Variants in SEC31B observed in about 807,000 individuals in gnomAD.
SEC31B encodes protein transport protein Sec31B.
A neutral mutation model predicts 135.0 loss-of-function variants in SEC31B; 113 were observed. That is an observed-to-expected ratio of 0.84 (90% CI 0.72 to 0.98). SEC31B has a LOEUF of 0.98. SEC31B is among the 50% of genes least tolerant of loss of function. SEC31B has a pLI of 0.00. For synonymous variants in SEC31B, 508 were observed against 549.4 expected, an observed-to-expected ratio of 0.92 and a Z score of 1.05; for missense variants, 1,296 against 1,421.1, an observed-to-expected ratio of 0.91 and a Z score of 1.42.
At position 100,496,386 on chromosome 10, in the gene SEC31B, G is replaced by A; in HGVS notation, c.2182C>T (p.Leu728=). The A allele has an allele frequency of 6.2e-7, 1 of 1,614,180 alleles. No individual in the cohort carries two copies. Among genetic ancestry groups the A allele is most frequent in the African/African-American group, 1.3e-5 (1 of 75,042 alleles). The change falls in exon 18 of 26, where the codon CTG becomes TTG. Residue 728 remains leucine, a synonymous_variant. Coordinates refer to ENST00000370345, the MANE Select transcript of SEC31B (RefSeq NM_015490.4). ...GGGCTCACCCCATGAGGACCCCGCAGTTGCTCCAAGCTCCTGTTAAGAACC... is the reference window on the plus strand; with the variant it reads ...GGGCTCACCCCATGAGGACCCCGCAATTGCTCCAAGCTCCTGTTAAGAACC... ...VMVLNRSLEQ[L]RGPHGVSPGP... is the part of the protein sequence containing the mutation.
chr10:100,498,191 T>C lies in SEC31B; in HGVS notation c.1701A>G (p.Leu567=), dbSNP rs939423609. 37 of 1,614,014 alleles carry C rather than the reference T, an allele frequency of 2.3e-5. No homozygotes were observed. Among genetic ancestry groups the C allele is most frequent in the Non-Finnish European group, 3.0e-5 (35 of 1,180,032 alleles). The change falls in exon 15 of 26, where the codon CTA becomes CTG. Residue 567 remains leucine, a synonymous_variant. Transcript: ENST00000370345. ...GTTCCCCAAGCAGGAGAGCCTGGCT[T>C]AGGAGTCCATCAATATCTGCAGGCA... ...IPITKDIDGL[L]SQALLLGELG...
At chr10:100,516,359 A>G in intron 2 of SEC31B, 140 bp from the exon 3 acceptor site, 1 of 1,076,924 alleles carries the variant, frequency 9.3e-7, no homozygotes, top group Non-Finnish European at 1.3e-6. Flanking sequence ...AAAAGCAAGA[A>G]AACGTTGGCT....
chr10:100,507,134 C>A (rs578194280), intron 7 of SEC31B, among the ~76,000 whole-genome samples: 14 of 152,274 alleles, frequency 9.2e-5, no homozygotes, highest in Admixed American at 2.6e-4. Flanking sequence ...GAACATTATC[C>A]TCATATCAGA....
In SEC31B at chr10:100,498,265, C is replaced by T. The variant is rs1047111266; in HGVS notation, c.1685-58G>A. 11 of 1,520,320 alleles carry T rather than the reference C, an allele frequency of 7.2e-6. No homozygotes were observed. In the East Asian group the frequency reaches 2.3e-4, roughly 31 times the overall value. The allele number at this position is 1,520,320 out of a possible 1,614,324, so 94.2% of individuals were successfully genotyped here. A position where few individuals can be genotyped will look rare whatever the true frequency, so the allele number is the denominator to read the frequency against. ...GCTCTCAAACCCCAACTTCCTGCCC[C>T]CTGCAGGGCCCACAGCACACCCTCT... is the stretch of plus-strand genomic sequence containing the variant. On this transcript the variant is annotated intron_variant, in intron 14 of 25. Coordinates refer to ENST00000370345, the MANE Select transcript of SEC31B (RefSeq NM_015490.4).
At chr10:100,494,824 TA>T (rs1423017439) in intron 19 of SEC31B, 5 of 140,830 alleles carry the variant, frequency 3.6e-5, no homozygotes, top group East Asian at 3.9e-4. Flanking sequence ...TTACTGTAGC[TA>T]TTTTTTTTTT....
At chr10:100,487,953 G>A in intron 25 of SEC31B, 74 bp downstream of exon 25, 1 of 1,550,636 alleles carries the variant, frequency 6.4e-7, no homozygotes, top group Non-Finnish European at 8.9e-7. Flanking sequence ...GGGAAGAAAA[G>A]ACACTGGGCT....
At position 100,487,530 on chromosome 10, in the gene SEC31B, C is replaced by G. The variant is rs1376061922; in HGVS notation, c.*86G>C. The G allele has an allele frequency of 7.9e-7, 1 of 1,272,352 alleles. No individual in the cohort carries two copies. The highest frequency in any genetic ancestry group is 1.1e-6 in the Non-Finnish European group (1 of 914,560). The allele number at this position is 1,272,352 out of a possible 1,614,324, so 78.8% of individuals were successfully genotyped here. A position where few individuals can be genotyped will look rare whatever the true frequency, so the allele number is the denominator to read the frequency against. Reference sequence around the variant, plus strand: ...AAGGAAAAGAGTCGGGAAAAAGAAACAGAATCTGTTGCAGAAGTCCCCTCT... The same window carrying G: ...AAGGAAAAGAGTCGGGAAAAAGAAAGAGAATCTGTTGCAGAAGTCCCCTCT... On this transcript the variant is annotated 3_prime_UTR_variant, in exon 26 of 26. Coordinates refer to ENST00000370345, the MANE Select transcript of SEC31B (RefSeq NM_015490.4).
chr10:100,517,374 G>A lies in SEC31B; in HGVS notation c.-45-377C>T, dbSNP rs542400574. Among the ~76,000 whole-genome samples the A allele has an allele frequency of 3.3e-5, 5 of 152,110 alleles. No individual in the cohort carries two copies. The South Asian group carries it at 6.2e-4, about 19-fold the overall frequency. ...AAGTTCTTATATGCAATTTCTTTTC[G>A]TTTTTTAGACCAAGTCTTGCTCTGT... is the stretch of plus-strand genomic sequence containing the variant. On this transcript the variant is annotated intron_variant, in intron 1 of 25. Coordinates refer to ENST00000370345, the MANE Select transcript of SEC31B (RefSeq NM_015490.4).
chr10:100,491,808 T>G (rs1851305456), intron 19 of SEC31B, among the ~76,000 whole-genome samples: 1 of 152,150 alleles, frequency 6.6e-6, no homozygotes, highest in African/African-American at 2.4e-5. Context: ...TTTGTAAGTG[T>G]TTAGGTCATG....
In SEC31B at chr10:100,489,731, G is replaced by A; in HGVS notation, c.2996C>T (p.Ala999Val). Reference sequence around the variant, plus strand: ...GTTCCTCTGGAGGTTTCCCCTGGGGGCTGGGGCTTCTTTCCAGGAATCTTG... The same window carrying A: ...GTTCCTCTGGAGGTTTCCCCTGGGGACTGGGGCTTCTTTCCAGGAATCTTG... ...GPQDSWKEAP[A>V]PRGNLQRNKL... is the part of the protein sequence containing the mutation. The change falls in exon 22 of 26, where the codon GCC becomes GTC. Residue 999 changes from alanine (A) to valine (V), a missense_variant. Physicochemically the swap from Ala to Val is moderately conservative, Grantham distance 64. Transcript: ENST00000370345. 1 of 1,614,160 alleles carries A rather than the reference G, an allele frequency of 6.2e-7. No individual in the cohort carries two copies. The highest frequency in any genetic ancestry group is 8.5e-7 in the Non-Finnish European group (1 of 1,180,022).
In SEC31B at chr10:100,509,154, C is replaced by A. The variant is rs569073319; in HGVS notation, c.400-52G>T. The A allele has an allele frequency of 2.5e-5, 40 of 1,584,696 alleles. No homozygotes were observed. In the East Asian group the frequency reaches 5.4e-4, roughly 21 times the overall value. On this transcript the variant is annotated intron_variant, in intron 4 of 25. Transcript: ENST00000370345. ...CATACCACCCTAGGAAGAAACAGAG[C>A]AAGAAAGGAGGAAAGAAGCCCAAAT...
chr10:100,503,946 T>G (rs1851577182), intron 10 of SEC31B, among the ~76,000 whole-genome samples: 4 of 152,182 alleles, frequency 2.6e-5, no homozygotes, highest in Admixed American at 2.0e-4. Context: ...GTCAGAATTC[T>G]TATTTACCGT....
chr10:100,492,880 TGG>T (rs1298061308), intron 19 of SEC31B, among the ~76,000 whole-genome samples: 7 of 152,318 alleles, frequency 4.6e-5, no homozygotes, highest in African/African-American at 1.7e-4. Flanking sequence ...AAGTATGAAT[TGG>T]ACAAAATATG....
intron 24 of SEC31B, 62 bp downstream of exon 24, chr10:100,488,796 T>A: frequency 6.6e-7 from 1 of 1,511,562 alleles, no homozygotes; most frequent in Non-Finnish European, 8.8e-7. Context: ...GGTCCACAGC[T>A]GAGGGGTCCT....
Position 100,488,212 on chromosome 10 carries a change from CACCTT to C in SEC31B, c.3289-119_3289-115del, listed in dbSNP as rs1456802841. ...TGGTGGCTCACGCCTGTAATCCCAG[CACCTT>C]GGGAGGCCAAGGCGGGTGGATCATG... On this transcript the variant is annotated intron_variant, in intron 24 of 25. Coordinates refer to ENST00000370345, the MANE Select transcript of SEC31B (RefSeq NM_015490.4). 5.3e-6 allele frequency: 5 copies of C among 946,186 alleles called. No individual in the cohort carries two copies. The African/African-American group carries it at 8.2e-5, about 15-fold the overall frequency. 58.6% of individuals were successfully genotyped at this position (946,186 alleles called of 1,614,324 possible).
chr10:100,507,378 T>G, intron 7 of SEC31B, 47 bp downstream of exon 7: 4 of 1,613,184 alleles, frequency 2.5e-6, no homozygotes, highest in Non-Finnish European at 3.4e-6. Flanking sequence ...CCAGCCCAGT[T>G]ATATCCACCA....
chr10:100,505,666 C>T, intron 9 of SEC31B, 171 bp from the exon 10 acceptor site: 1 of 1,421,186 alleles, frequency 7.0e-7, no homozygotes, highest in Non-Finnish European at 9.1e-7. Context: ...GGTGGGACTC[C>T]CATGCAAGTA....
At chr10:100,512,288 A>G (rs1490431893) in intron 3 of SEC31B, among the ~76,000 whole-genome samples, 1 of 152,344 alleles carries the variant, frequency 6.6e-6, no homozygotes, top group East Asian at 1.9e-4. Context: ...AGAGAGGGTA[A>G]GGTACAGCAG....
At chr10:100,504,313 C>G (rs963497369) in intron 10 of SEC31B, among the ~76,000 whole-genome samples, 5 of 152,222 alleles carry the variant, frequency 3.3e-5, no homozygotes, top group Non-Finnish European at 7.3e-5. Flanking sequence ...GCTTTGAAAA[C>G]AAGAACTTCC....
Sources: allele counts gnomAD v4.1 joint callset (sites outside exome capture counted in the v4.1 genomes callset), GRCh38; gene constraint gnomAD v4.1.1; transcripts MANE v1.5; gene names NCBI Gene and HGNC (gene_info 2026-07-23, HGNC 2026-07-21).